The following DNAJC1 variants were observed in gnomAD, a reference collection of about 807,000 sequenced individuals.
The protein encoded by DNAJC1 is DnaJ heat shock protein family (Hsp40) member C1, also known as dnaJ homolog subfamily C member 1.
DNAJC1 carries 58 observed loss-of-function variants against 76.6 expected under a neutral mutation model. That is an observed-to-expected ratio of 0.76 (90% CI 0.61 to 0.94). DNAJC1 has a LOEUF of 0.94. Among genes scored for constraint, DNAJC1 ranks in the 40% least tolerant of loss-of-function variants. The probability of loss-of-function intolerance (pLI) is 0.00; values close to 1 mark genes in which losing one functional copy is unlikely to be tolerated. For missense variants in DNAJC1, 689 were observed against 677.3 expected (o/e 1.02, Z -0.19); for synonymous variants, 258 against 267.9 (o/e 0.96, Z 0.36).
intron 6 of DNAJC1, among the ~76,000 whole-genome samples, 181 bp from the exon 7 acceptor site, chr10:21,904,793 A>G (rs1564822839): frequency 6.6e-6 from 1 of 152,184 alleles, no homozygotes; most frequent in Non-Finnish European, 1.5e-5. Flanking sequence ...CTGGAGAGCC[A>G]GTTACAATGA....
Position 21,883,565 on chromosome 10 carries a change from C to G in DNAJC1, c.821-1126G>C, listed in dbSNP as rs371317440. Among the ~76,000 whole-genome samples, 44 of 151,970 alleles carry G rather than the reference C, an allele frequency of 2.9e-4. 3 individuals carry two copies. The highest frequency in any genetic ancestry group is 9.9e-4 in the African/African-American group (41 of 41,522). On this transcript the variant is annotated intron_variant, in intron 7 of 11. Coordinates refer to ENST00000376980, the MANE Select transcript of DNAJC1 (RefSeq NM_022365.4). ...AAACCTATCATATATTGAAAACATC[C>G]TTAATTAGAAAATGCATTTAATAAA... is the stretch of plus-strand genomic sequence containing the variant.
chr10:21,957,352 A>G (rs999238041), intron 1 of DNAJC1, among the ~76,000 whole-genome samples: 2 of 152,108 alleles, frequency 1.3e-5, no homozygotes, highest in Non-Finnish European at 2.9e-5. Flanking sequence ...TGTCATCTTA[A>G]TTCTTTTCCT....
chr10:21,908,093 AAT>A (rs1158099421), intron 6 of DNAJC1, among the ~76,000 whole-genome samples: 8 of 111,774 alleles, frequency 7.2e-5, no homozygotes, highest in South Asian at 2.3e-4. Context: ...TTATATATAA[AAT>A]ATATATAATA....
At chr10:22,002,750 A>G (rs780217800) in intron 1 of DNAJC1, among the ~76,000 whole-genome samples, 14 of 152,150 alleles carry the variant, frequency 9.2e-5, no homozygotes, top group Non-Finnish European at 1.9e-4. Context: ...CAGCTGAAAT[A>G]AGAATAAGGA....
intron 3 of DNAJC1, among the ~76,000 whole-genome samples, chr10:21,926,216 T>G (rs1837126180): frequency 1.3e-5 from 2 of 151,922 alleles, no homozygotes; most frequent in Admixed American, 6.6e-5. Context: ...CCTCCCAAAG[T>G]GCTAGGATTA....
At position 21,819,017 on chromosome 10, in the gene DNAJC1, C is replaced by T. The variant is rs146799304; in HGVS notation, c.979-12918G>A. On this transcript the variant is annotated intron_variant, in intron 8 of 11. Coordinates refer to ENST00000376980, the MANE Select transcript of DNAJC1 (RefSeq NM_022365.4). ...TATACTACTTGGGATAAAGCAAAAT[C>T]GTATTTAAGGACTAACATGACACTA... Among the ~76,000 whole-genome samples, 79 of 152,226 alleles carry T rather than the reference C, an allele frequency of 5.2e-4. 1 individual carries two copies. The East Asian group carries it at 0.014, about 27-fold the overall frequency.
At chr10:21,958,508 A>G (rs1837731826) in intron 1 of DNAJC1, among the ~76,000 whole-genome samples, 1 of 151,614 alleles carries the variant, frequency 6.6e-6, no homozygotes, top group Non-Finnish European at 1.5e-5. Context: ...GGTCACTGCA[A>G]CCTCCGCCTC....
In DNAJC1 at chr10:21,837,904, TCCGGGAGGGAGGTGGCGGGCAGCCCCCGC is replaced by T. The variant is rs1835495495; in HGVS notation, c.979-31834_979-31806del. On this transcript the variant is annotated intron_variant, in intron 8 of 11. Transcript: ENST00000376980. ...AGCCCCCGCCCGGCCAGCCGCCCCG[TCCGGGAGGGAGGTGGCGGGCAGCCCCCGC>T]CCGGCCAGCCGCCCCGGCCGGGAGG... is the stretch of plus-strand genomic sequence containing the variant. 2.9e-5 allele frequency among the ~76,000 whole-genome samples: 4 copies of T among 137,320 alleles called. No homozygotes were observed. The South Asian group carries it at 9.5e-4, about 33-fold the overall frequency. 90.1% of individuals were successfully genotyped at this position (137,320 alleles called of 152,430 possible).
intron 7 of DNAJC1, 56 bp downstream of exon 7, chr10:21,904,466 C>A: frequency 3.5e-6 from 4 of 1,142,042 alleles, no homozygotes; most frequent in Non-Finnish European, 3.6e-6. Context: ...AGATAATTCA[C>A]ATTTAAATAA....
intron 7 of DNAJC1, among the ~76,000 whole-genome samples, chr10:21,883,271 CA>C (rs1395707735): frequency 1.4e-5 from 2 of 147,290 alleles, no homozygotes; most frequent in African/African-American, 5.3e-5. Context: ...CACACACACA[CA>C]CACACACACA....
intron 9 of DNAJC1, among the ~76,000 whole-genome samples, chr10:21,782,736 G>C (rs1325640934): frequency 6.6e-6 from 1 of 152,186 alleles, no homozygotes; most frequent in Non-Finnish European, 1.5e-5. Flanking sequence ...GGGATGCAAG[G>C]CTGGTTGAAC....
chr10:21,758,273 G>A (rs1206524065), intron 11 of DNAJC1, among the ~76,000 whole-genome samples: 1 of 152,226 alleles, frequency 6.6e-6, no homozygotes, highest in Non-Finnish European at 1.5e-5. Context: ...GGCACAGACA[G>A]CGGAAGAGAT....
At chr10:21,762,271 T>C (rs187341541) in intron 10 of DNAJC1, among the ~76,000 whole-genome samples, 3 of 152,334 alleles carry the variant, frequency 2.0e-5, no homozygotes, top group Admixed American at 2.0e-4. Context: ...TATTTACTTA[T>C]TCAATTATAT....
In DNAJC1 at chr10:22,003,526, T is replaced by C; in HGVS notation, c.-92A>G. The C allele has an allele frequency of 8.0e-7, 1 of 1,256,830 alleles. No individual in the cohort carries two copies. Among genetic ancestry groups the C allele is most frequent in the Non-Finnish European group, 1.0e-6 (1 of 1,000,090 alleles). The allele number at this position is 1,256,830 out of a possible 1,614,324, so 77.9% of individuals were successfully genotyped here. A position where few individuals can be genotyped will look rare whatever the true frequency, so the allele number is the denominator to read the frequency against. ...GGCGCTGGCTGTGGGGAACAGCGCC[T>C]GTCAGTGAAAAGCGCGGGCAGGCGC... On this transcript the variant is annotated 5_prime_UTR_variant, in exon 1 of 12. Coordinates refer to ENST00000376980, the MANE Select transcript of DNAJC1 (RefSeq NM_022365.4).
At chr10:21,985,299 G>C (rs1365107144) in intron 1 of DNAJC1, among the ~76,000 whole-genome samples, 12 of 150,354 alleles carry the variant, frequency 8.0e-5, no homozygotes, top group African/African-American at 2.9e-4. Flanking sequence ...GCCCAGGCTG[G>C]AGTGCAGGGG....
chr10:21,864,019 A>G (rs1835956205), intron 8 of DNAJC1, among the ~76,000 whole-genome samples: 1 of 152,076 alleles, frequency 6.6e-6, no homozygotes, highest in Non-Finnish European at 1.5e-5. Flanking sequence ...CCTAAGGAAC[A>G]TGGCAAAACC....
At chr10:21,786,411 T>A (rs1177521100) in intron 9 of DNAJC1, among the ~76,000 whole-genome samples, 1 of 144,050 alleles carries the variant, frequency 6.9e-6, no homozygotes, top group Non-Finnish European at 1.5e-5. Flanking sequence ...TGTTGAGGTT[T>A]TGATTTTAAA....
chr10:21,950,700 G>A (rs1837580070), intron 1 of DNAJC1, among the ~76,000 whole-genome samples: 1 of 152,210 alleles, frequency 6.6e-6, no homozygotes, highest in South Asian at 2.1e-4. Flanking sequence ...GAAATTAAGT[G>A]CTACTCCAGT....
In DNAJC1 at chr10:21,842,960, T is replaced by C. The variant is rs184208958; in HGVS notation, c.979-36861A>G. On this transcript the variant is annotated intron_variant, in intron 8 of 11. Transcript: ENST00000376980. ...GCTTAGTTCAGTACCTTATACATAGTAGTCAACAGATTTCTTATTAGTTGA... is the reference window on the plus strand; with the variant it reads ...GCTTAGTTCAGTACCTTATACATAGCAGTCAACAGATTTCTTATTAGTTGA... Among the ~76,000 whole-genome samples the C allele has an allele frequency of 6.0e-4, 91 of 152,286 alleles. No homozygotes were observed. In the East Asian group the frequency reaches 0.014, roughly 24 times the overall value.
Sources: gnomAD v4.1 joint callset for allele counts (sites outside exome capture counted in the v4.1 genomes callset) on GRCh38, gnomAD v4.1.1 for gene constraint, MANE v1.5 for transcripts, NCBI Gene and HGNC (gene_info 2026-07-23, HGNC 2026-07-21) for gene names.